The following RELN variants were observed in gnomAD, a reference collection of about 807,000 sequenced individuals.
RELN encodes the protein reelin.
Under a neutral mutation model 427.6 loss-of-function variants are expected in RELN, and 108 were observed. The ratio of observed to expected loss-of-function variants is 0.25; its 90% CI spans 0.22 to 0.30. RELN has a LOEUF of 0.30. Ranked by LOEUF, RELN falls within the 10% of genes least tolerant of loss-of-function variation. The pLI, the probability that RELN is intolerant of heterozygous loss-of-function variation, is 1.00. For synonymous variants in RELN, 1,524 were observed against 1,513.4 expected (o/e 1.01, Z -0.16); for missense variants, 3,715 against 4,302.8 (o/e 0.86, Z 3.82).
At chr7:103,542,277 G>A (rs3025929) in intron 43 of RELN, among the ~76,000 whole-genome samples, 8,104 of 152,168 alleles carry the variant, frequency 0.053, 275 homozygotes, top group African/African-American at 0.09. Flanking sequence ...AATTGCTGGC[G>A]GAGATAAAAT....
In RELN at chr7:103,681,064, G is replaced by A. The variant is rs192196213; in HGVS notation, c.1289+1052C>T. On this transcript the variant is annotated intron_variant, in intron 11 of 64. Coordinates refer to ENST00000428762, the MANE Select transcript of RELN (RefSeq NM_005045.4). The stretch of plus-strand genomic sequence containing the variant: ...ATTGTGGCAGCAAAGGGTCACAGTG[G>A]CAGTGTGGCTCAGGCTGAGGGTAAG... 6.6e-5 allele frequency among the ~76,000 whole-genome samples: 10 copies of A among 152,256 alleles called. No homozygotes were observed. In the East Asian group the frequency reaches 1.7e-3, roughly 27 times the overall value.
intron 25 of RELN, 138 bp downstream of exon 25, chr7:103,596,318 T>C: frequency 1.4e-6 from 1 of 739,292 alleles, no homozygotes; most frequent in East Asian, 2.6e-5. Context: ...AATCTTTATA[T>C]ACTGGGCTAT....
chr7:103,557,244 A>G (rs1830545242), intron 37 of RELN, 85 bp from the exon 38 acceptor site: 4 of 1,129,946 alleles, frequency 3.5e-6, no homozygotes, highest in African/African-American at 3.1e-5. Flanking sequence ...TTAGGCATCA[A>G]TGCATAAGAG....
chr7:103,669,350 A>G (rs1217584811), intron 11 of RELN, among the ~76,000 whole-genome samples: 3 of 152,184 alleles, frequency 2.0e-5, no homozygotes, highest in Non-Finnish European at 4.4e-5. Flanking sequence ...CTTTGCATTT[A>G]TTAAAAATTC....
chr7:103,909,217 C>G (rs1584356472), intron 2 of RELN, among the ~76,000 whole-genome samples: 1 of 152,118 alleles, frequency 6.6e-6, no homozygotes, highest in East Asian at 1.9e-4. Flanking sequence ...TAAGATTCAA[C>G]TGCTGCTAAT....
At chr7:103,747,970 C>T (rs1790889448) in intron 6 of RELN, among the ~76,000 whole-genome samples, 1 of 151,978 alleles carries the variant, frequency 6.6e-6, no homozygotes, top group African/African-American at 2.4e-5. Context: ...CGAACAGTCA[C>T]ATTTTGTATT....
At chr7:103,521,181 T>G (rs1051980304) in intron 48 of RELN, among the ~76,000 whole-genome samples, 1 of 150,230 alleles carries the variant, frequency 6.7e-6, no homozygotes, top group Non-Finnish European at 1.5e-5. Flanking sequence ...GGGTTTCACC[T>G]TGTTAGCCAG....
At chr7:103,656,639 C>T (rs1486012497) in intron 12 of RELN, among the ~76,000 whole-genome samples, 1 of 151,964 alleles carries the variant, frequency 6.6e-6, no homozygotes, top group African/African-American at 2.4e-5. Context: ...GAGAAAATCG[C>T]CCAATAATTT....
intron 8 of RELN, among the ~76,000 whole-genome samples, chr7:103,716,431 T>C (rs1336893836): frequency 6.6e-6 from 1 of 151,254 alleles, no homozygotes; most frequent in Non-Finnish European, 1.5e-5. Context: ...TTATGATACA[T>C]ATAATAAATA....
intron 43 of RELN, among the ~76,000 whole-genome samples, chr7:103,541,833 A>G (rs1453782188): frequency 1.3e-5 from 2 of 152,230 alleles, no homozygotes; most frequent in Non-Finnish European, 2.9e-5. Context: ...AAGTGGGATA[A>G]TGATAAAATA....
intron 2 of RELN, among the ~76,000 whole-genome samples, chr7:103,904,049 C>T (rs1301155657): frequency 6.6e-6 from 1 of 152,098 alleles, no homozygotes; most frequent in African/African-American, 2.4e-5. Flanking sequence ...GTTCCCCTCC[C>T]TGTGTCCATG....
At chr7:103,836,620 C>T (rs1409837318) in intron 2 of RELN, among the ~76,000 whole-genome samples, 2 of 152,098 alleles carry the variant, frequency 1.3e-5, no homozygotes, top group Admixed American at 6.6e-5. Context: ...CCAAATGAAC[C>T]CTCCTCTATC....
intron 31 of RELN, among the ~76,000 whole-genome samples, chr7:103,568,111 T>A (rs1238085046): frequency 6.6e-6 from 1 of 152,210 alleles, no homozygotes; most frequent in Non-Finnish European, 1.5e-5. Context: ...CTAACTCTTT[T>A]GGAAAATTAT....
chr7:103,706,972 TC>T (rs1441686650), intron 8 of RELN, among the ~76,000 whole-genome samples: 1 of 152,094 alleles, frequency 6.6e-6, no homozygotes, highest in Non-Finnish European at 1.5e-5. Flanking sequence ...CTGTAGACCC[TC>T]CTCCTGCTCA....
chr7:103,710,477 G>A (rs1789766818), intron 8 of RELN, among the ~76,000 whole-genome samples: 1 of 152,162 alleles, frequency 6.6e-6, no homozygotes, highest in Non-Finnish European at 1.5e-5. Flanking sequence ...ATGACTAAAA[G>A]ATAATGATGA....
chr7:103,631,550 C>T (rs1320289764), intron 19 of RELN, among the ~76,000 whole-genome samples: 1 of 152,024 alleles, frequency 6.6e-6, no homozygotes, highest in Non-Finnish European at 1.5e-5. Flanking sequence ...CCTCGGCCTC[C>T]CAAAGTGCTG....
chr7:103,831,167 T>C lies in RELN; in HGVS notation c.473+2370A>G, dbSNP rs554457530. ...CAGTTCTATATTGCTGATATAGATA[T>C]ACTTTGTGTTTTGTCTTTCAAAAAA... On this transcript the variant is annotated intron_variant, in intron 3 of 64. Coordinates refer to ENST00000428762, the MANE Select transcript of RELN (RefSeq NM_005045.4). 2.6e-5 allele frequency among the ~76,000 whole-genome samples: 4 copies of C among 152,282 alleles called. No individual in the cohort carries two copies. The East Asian group carries it at 7.7e-4, about 29-fold the overall frequency.
chr7:103,539,270 G>A lies in RELN; in HGVS notation c.6988C>T (p.Leu2330Phe). 1 of 1,614,166 alleles carries A rather than the reference G, an allele frequency of 6.2e-7. No homozygotes were observed. The highest frequency in any genetic ancestry group is 1.3e-5 in the African/African-American group (1 of 75,062). ...NTVLEDDFTTLDSRKWLLHPG... is the reference protein window; with the variant it reads ...NTVLEDDFTTFDSRKWLLHPG... ...TGAAGCAGCCATTTCCTACTATCAAGGGTTGTGAAATCATCTTCCAAGACC... is the reference window on the plus strand; with the variant it reads ...TGAAGCAGCCATTTCCTACTATCAAAGGTTGTGAAATCATCTTCCAAGACC... The change falls in exon 45 of 65, where the codon CTT becomes TTT. Residue 2330 changes from leucine to phenylalanine, a missense_variant. Transcript: ENST00000428762.
chr7:103,483,042 A>T (rs1828298531), intron 62 of RELN, 71 bp from the exon 63 acceptor site: 1 of 1,159,092 alleles, frequency 8.6e-7, no homozygotes. Context: ...TGACTTCTAG[A>T]TGTCAAATAT....
Sources: allele counts gnomAD v4.1 joint callset (sites outside exome capture counted in the v4.1 genomes callset), GRCh38; gene constraint gnomAD v4.1.1; transcripts MANE v1.5; gene names NCBI Gene and HGNC (gene_info 2026-07-23, HGNC 2026-07-21).